EGFR: variants seen among roughly 807,000 people sequenced by gnomAD.
EGFR encodes the protein epidermal growth factor receptor.
Under a neutral mutation model 143.0 loss-of-function variants are expected in EGFR, and 58 were observed. The observed-to-expected ratio is 0.41, with a 90% CI of 0.33 to 0.50. The LOEUF (loss-of-function observed/expected upper bound fraction) is 0.50. Ranked by LOEUF, EGFR falls within the 20% of genes least tolerant of loss-of-function variation. The pLI is 0.39. For missense variants in EGFR, 1,307 were observed against 1,579.0 expected (o/e 0.83, Z 2.92); for synonymous variants, 613 against 594.4 (o/e 1.03, Z -0.45).
chr7:55,191,360 C>T (rs1374292183), intron 20 of EGFR, among the ~76,000 whole-genome samples: 2 of 151,984 alleles, frequency 1.3e-5, no homozygotes, highest in African/African-American at 2.4e-5. Flanking sequence ...TCCCCGCCAC[C>T]CCCCACCCCC....
At chr7:55,034,451 A>G (rs1428982331) in intron 1 of EGFR, among the ~76,000 whole-genome samples, 4 of 152,032 alleles carry the variant, frequency 2.6e-5, no homozygotes, top group Non-Finnish European at 5.9e-5. Flanking sequence ...CCAGGTGCCC[A>G]TTATTATTTG....
At chr7:55,092,028 A>AT (rs547837400) in intron 1 of EGFR, among the ~76,000 whole-genome samples, 15 of 151,668 alleles carry the variant, frequency 9.9e-5, no homozygotes, top group African/African-American at 3.4e-4. Flanking sequence ...TCCTTAAAAA[A>AT]AAATTCTGGT....
chr7:55,122,148 C>T (rs909244746), intron 1 of EGFR, among the ~76,000 whole-genome samples: 1 of 152,240 alleles, frequency 6.6e-6, no homozygotes, highest in Non-Finnish European at 1.5e-5. Context: ...GGCTCTACCT[C>T]TCCAGTCTTC....
chr7:55,164,159 A>G (rs1785850781), intron 14 of EGFR, among the ~76,000 whole-genome samples: 1 of 152,252 alleles, frequency 6.6e-6, no homozygotes, highest in Admixed American at 6.5e-5. Flanking sequence ...AACATCCTCA[A>G]ATTCTTAACA....
At chr7:55,108,295 C>G (rs1366590957) in intron 1 of EGFR, among the ~76,000 whole-genome samples, 1 of 152,240 alleles carries the variant, frequency 6.6e-6, no homozygotes, top group African/African-American at 2.4e-5. Flanking sequence ...ATGTTCGGAA[C>G]TGTCCATGTT....
At chr7:55,032,548 G>T (rs138914639) in intron 1 of EGFR, among the ~76,000 whole-genome samples, 3 of 152,192 alleles carry the variant, frequency 2.0e-5, no homozygotes, top group Non-Finnish European at 4.4e-5. Context: ...TGACCCGGAC[G>T]TGTTCACAGT....
intron 1 of EGFR, chr7:55,110,019 C>T: frequency 3.4e-6 from 3 of 885,994 alleles, no homozygotes; most frequent in Non-Finnish European, 4.1e-6. Flanking sequence ...CATAAACACA[C>T]AGTGTATGTT....
chr7:55,091,911 G>C (rs1055381274), intron 1 of EGFR, among the ~76,000 whole-genome samples: 3 of 151,682 alleles, frequency 2.0e-5, no homozygotes, highest in Non-Finnish European at 4.4e-5. Flanking sequence ...GAGAAAGAGA[G>C]AGAGATAACT....
chr7:55,189,075 G>C (rs1787270570), intron 20 of EGFR: 1 of 151,080 alleles, frequency 6.6e-6, no homozygotes, highest in African/African-American at 2.4e-5. Context: ...GCATGCTCAC[G>C]CTGTCTCATG....
intron 1 of EGFR, among the ~76,000 whole-genome samples, chr7:55,058,286 C>T (rs1583931479): frequency 1.3e-5 from 2 of 152,014 alleles, no homozygotes; most frequent in African/African-American, 2.4e-5. Context: ...CCCAGCTACT[C>T]GGAAGGCTGA....
intron 1 of EGFR, among the ~76,000 whole-genome samples, chr7:55,088,303 T>A (rs1461700549): frequency 6.6e-6 from 1 of 152,142 alleles, no homozygotes; most frequent in African/African-American, 2.4e-5. Context: ...AAGAGCCCCA[T>A]GAAAGAGTGC....
intron 1 of EGFR, among the ~76,000 whole-genome samples, chr7:55,115,150 T>C (rs533044278): frequency 2.0e-5 from 3 of 152,304 alleles, no homozygotes; most frequent in Non-Finnish European, 4.4e-5. Flanking sequence ...ATTACAGGCA[T>C]TATATTATTC....
At chr7:55,197,435 T>G (rs374745792) in intron 22 of EGFR, among the ~76,000 whole-genome samples, 1 of 152,224 alleles carries the variant, frequency 6.6e-6, no homozygotes. Context: ...TTTCTAGATA[T>G]AGGATCATGT....
Position 55,190,662 on chromosome 7 carries a change from G to A in EGFR, c.2470-1057G>A, listed in dbSNP as rs1787352904. Reference sequence around the variant, plus strand: ...CCTGTTTGTTTCTGTTTGCTGCACCGCAGCAAGCATTTCTGTCGTGCCCAC... The same window carrying A: ...CCTGTTTGTTTCTGTTTGCTGCACCACAGCAAGCATTTCTGTCGTGCCCAC... On this transcript the variant is annotated intron_variant, in intron 20 of 27. Transcript: ENST00000275493. Among the ~76,000 whole-genome samples, 5 of 152,168 alleles carry A rather than the reference G, an allele frequency of 3.3e-5. No homozygotes were observed. In the South Asian group the frequency reaches 6.2e-4, roughly 19 times the overall value.
At chr7:55,163,625 A>G in intron 13 of EGFR, 108 bp from the exon 14 acceptor site, 1 of 924,534 alleles carries the variant, frequency 1.1e-6, no homozygotes, top group Non-Finnish European at 1.8e-6. Context: ...CTGGAGTCCC[A>G]ACTCCTTGAC....
At chr7:55,053,357 G>C (rs1228052416) in intron 1 of EGFR, among the ~76,000 whole-genome samples, 1 of 152,184 alleles carries the variant, frequency 6.6e-6, no homozygotes, top group Non-Finnish European at 1.5e-5. Flanking sequence ...GACACTGTCT[G>C]CATAAACGTG....
At chr7:55,153,756 G>T (rs1785269158) in intron 6 of EGFR, among the ~76,000 whole-genome samples, 1 of 152,168 alleles carries the variant, frequency 6.6e-6, no homozygotes, top group East Asian at 1.9e-4. Context: ...TTAGTAAACA[G>T]ACGTATTTTT....
chr7:55,052,373 T>C (rs1420938684), intron 1 of EGFR, among the ~76,000 whole-genome samples: 2 of 152,192 alleles, frequency 1.3e-5, no homozygotes, highest in South Asian at 4.1e-4. Context: ...CACAGCATTG[T>C]TTGTATGCCT....
chr7:55,033,367 G>A (rs945388987), intron 1 of EGFR, among the ~76,000 whole-genome samples: 1 of 152,134 alleles, frequency 6.6e-6, no homozygotes, highest in Non-Finnish European at 1.5e-5. Flanking sequence ...GCACAGGGAG[G>A]TGACGTGATG....
Sources: allele counts gnomAD v4.1 joint callset (sites outside exome capture counted in the v4.1 genomes callset), GRCh38; gene constraint gnomAD v4.1.1; transcripts MANE v1.5; gene names NCBI Gene and HGNC (gene_info 2026-07-23, HGNC 2026-07-21).